The following ZNF571 variants were observed in gnomAD, a reference collection of about 807,000 sequenced individuals.
ZNF571 encodes the protein zinc finger protein 571.
Under a neutral mutation model 7.7 loss-of-function variants are expected in ZNF571, and 4 were observed. The observed-to-expected ratio is 0.52, with a 90% confidence interval of 0.25 to 1.18. The LOEUF is 1.18. Among genes scored for constraint, ZNF571 ranks in the 50% most tolerant of loss-of-function variants. The pLI, the probability that ZNF571 is intolerant of heterozygous loss-of-function variation, is 0.14. For missense variants in ZNF571, 704 were observed against 726.9 expected, an observed-to-expected ratio of 0.97 and a Z score of 0.36; for synonymous variants, 251 against 232.4, an observed-to-expected ratio of 1.08 and a Z score of -0.73.
At chr19:37,574,067 T>G (rs2147172467) in intron 3 of ZNF571, among the ~76,000 whole-genome samples, 1 of 152,296 alleles carries the variant, frequency 6.6e-6, no homozygotes, top group East Asian at 1.9e-4. Context: ...TTTTCTATGC[T>G]CTGGATCCAT....
Position 37,565,665 on chromosome 19 carries a change from T to A in ZNF571, c.763A>T (p.Lys255Ter). Residue 255 changes from lysine to a stop codon, truncating the protein, a stop_gained, in exon 4 of 4, where the codon AAA becomes TAA. Coordinates refer to ENST00000451802, the MANE Select transcript of ZNF571 (RefSeq NM_016536.5). LOFTEE classifies it low-confidence loss of function (END_TRUNC). The stretch of plus-strand genomic sequence containing the variant: ...CAATAACTAAAGGCTTTTCCACATT[T>A]CTTACATTCATATGGTTTCTCTCCT... ...HTGEKPYECK[K>*]CGKAFSYCSQ... 1 of 1,613,282 alleles carries A rather than the reference T, an allele frequency of 6.2e-7. No individual in the cohort carries two copies. Among genetic ancestry groups the A allele is most frequent in the Non-Finnish European group, 8.5e-7 (1 of 1,179,712 alleles).
intron 1 of ZNF571, chr19:37,594,500 G>A (rs1157523315): frequency 6.6e-6 from 1 of 152,174 alleles, no homozygotes; most frequent in Non-Finnish European, 1.5e-5. Flanking sequence ...TAAATTCGGT[G>A]CGGAGGAACA....
intron 1 of ZNF571, 43 bp from the exon 2 acceptor site, chr19:37,586,788 G>T: frequency 8.5e-7 from 1 of 1,171,658 alleles, no homozygotes; most frequent in Non-Finnish European, 1.2e-6. Flanking sequence ...TTGGCTCACA[G>T]CCCACAAAAT....
Position 37,564,462 on chromosome 19 carries a change from G to T in ZNF571, c.*136C>A. ...TTAAGGAATTATTTAAGGGGTTTCTGAAATTATTCTGCATCCATGTTAATG... is the reference window on the plus strand; with the variant it reads ...TTAAGGAATTATTTAAGGGGTTTCTTAAATTATTCTGCATCCATGTTAATG... On this transcript the variant is annotated 3_prime_UTR_variant, in exon 4 of 4. Transcript: ENST00000451802. 1 of 690,222 alleles carries T rather than the reference G, an allele frequency of 1.4e-6. No individual in the cohort carries two copies. Among genetic ancestry groups the T allele is most frequent in the Non-Finnish European group, 2.1e-6 (1 of 465,858 alleles). 42.8% of individuals were successfully genotyped at this position (690,222 alleles called of 1,614,324 possible). A position where few individuals can be genotyped will look rare whatever the true frequency, so the allele number is the denominator to read the frequency against.
In ZNF571 at chr19:37,565,940, A is replaced by G. The variant is rs751567656; in HGVS notation, c.488T>C (p.Ile163Thr). 6.8e-6 allele frequency: 11 copies of G among 1,613,636 alleles called. No homozygotes were observed. The highest frequency in any genetic ancestry group is 1.7e-5 in the Admixed American group (1 of 59,970). Residue 163 changes from isoleucine (I) to threonine (T), a missense_variant, in exon 4 of 4, where the codon ATA becomes ACA. Ile to Thr is a moderately conservative substitution (Grantham distance 89). Coordinates refer to ENST00000451802, the MANE Select transcript of ZNF571 (RefSeq NM_016536.5). ...CLIQHEENHN[I>T]EKCSEVKKHR... The stretch of plus-strand genomic sequence containing the variant: ...TTTCTTAACTTCAGAGCATTTTTCT[A>G]TATTATGATTTTCCTCATGTTGAAT...
chr19:37,594,125 G>A (rs1428978360), intron 1 of ZNF571: 1 of 152,250 alleles, frequency 6.6e-6, no homozygotes, highest in African/African-American at 2.4e-5. Context: ...GGGCTGTCAA[G>A]CTAGAATAGG....
intron 1 of ZNF571, among the ~76,000 whole-genome samples, chr19:37,589,501 A>G (rs561754601): frequency 6.6e-6 from 1 of 152,240 alleles, no homozygotes; most frequent in African/African-American, 2.4e-5. Flanking sequence ...AAAAAAGTCA[A>G]CGGTCATTCA....
chr19:37,580,179 C>T (rs1310069814), intron 3 of ZNF571, among the ~76,000 whole-genome samples: 1 of 152,170 alleles, frequency 6.6e-6, no homozygotes, highest in Non-Finnish European at 1.5e-5. Context: ...AAATGATCTC[C>T]AGCTATATTA....
intron 3 of ZNF571, among the ~76,000 whole-genome samples, chr19:37,577,206 C>A (rs543571953): frequency 6.6e-6 from 1 of 152,170 alleles, no homozygotes; most frequent in Non-Finnish European, 1.5e-5. Flanking sequence ...CCTTTCATCA[C>A]CCTCCTCAAA....
At chr19:37,577,648 A>C (rs971132954) in intron 3 of ZNF571, among the ~76,000 whole-genome samples, 1 of 152,226 alleles carries the variant, frequency 6.6e-6, no homozygotes, top group Non-Finnish European at 1.5e-5. Context: ...CAAAATAGTG[A>C]GAAGATCCAT....
At chr19:37,582,497 T>TAC (rs1294021769) in intron 3 of ZNF571, among the ~76,000 whole-genome samples, 4 of 152,302 alleles carry the variant, frequency 2.6e-5, no homozygotes, top group Middle Eastern at 3.4e-3. Flanking sequence ...GAGCTGTACC[T>TAC]TGCCTTCCGT....
intron 1 of ZNF571, among the ~76,000 whole-genome samples, chr19:37,587,770 G>A (rs945049282): frequency 6.6e-6 from 1 of 151,988 alleles, no homozygotes; most frequent in Admixed American, 6.6e-5. Context: ...CTAAGATTTT[G>A]TCCTCCCCGC....
intron 3 of ZNF571, among the ~76,000 whole-genome samples, chr19:37,576,779 T>A (rs1174406748): frequency 6.6e-6 from 1 of 152,188 alleles, no homozygotes; most frequent in East Asian, 1.9e-4. Flanking sequence ...TACCCCAATA[T>A]GCTTAGCCAT....
At chr19:37,578,093 A>C (rs1274936535) in intron 3 of ZNF571, among the ~76,000 whole-genome samples, 2 of 152,154 alleles carry the variant, frequency 1.3e-5, no homozygotes, top group Non-Finnish European at 2.9e-5. Context: ...AATCTAACTA[A>C]TGCCTGATGA....
intron 3 of ZNF571, chr19:37,567,528 A>G (rs1442614869): frequency 6.6e-6 from 1 of 152,160 alleles, no homozygotes; most frequent in Admixed American, 6.5e-5. Flanking sequence ...TTAAGCCTCA[A>G]ATTGAGCCAC....
intron 3 of ZNF571, among the ~76,000 whole-genome samples, chr19:37,579,964 G>GA (rs941253065): frequency 5.3e-5 from 8 of 151,402 alleles, no homozygotes; most frequent in Non-Finnish European, 1.2e-4. Flanking sequence ...TATTATTCTG[G>GA]AAAAAAAAGA....
intron 3 of ZNF571, among the ~76,000 whole-genome samples, chr19:37,566,870 A>C (rs1172442794): frequency 6.6e-6 from 1 of 152,166 alleles, no homozygotes; most frequent in African/African-American, 2.4e-5. Context: ...TAAAATCCAA[A>C]GTCCTTAATA....
At chr19:37,578,900 G>A (rs944824280) in intron 3 of ZNF571, among the ~76,000 whole-genome samples, 13 of 152,190 alleles carry the variant, frequency 8.5e-5, no homozygotes, top group African/African-American at 3.1e-4. Flanking sequence ...ATAACACTTG[G>A]CACCTCTGTA....
At chr19:37,570,460 C>G (rs1459323959) in intron 3 of ZNF571, among the ~76,000 whole-genome samples, 1 of 152,158 alleles carries the variant, frequency 6.6e-6, no homozygotes, top group Non-Finnish European at 1.5e-5. Context: ...AAGTCAACAC[C>G]AACTCAAGGA....
Sources: allele counts gnomAD v4.1 joint callset (sites outside exome capture counted in the v4.1 genomes callset), GRCh38; gene constraint gnomAD v4.1.1; transcripts MANE v1.5; gene names NCBI Gene and HGNC (gene_info 2026-07-23, HGNC 2026-07-21).